RALYL: variants seen among roughly 807,000 people sequenced by gnomAD.
The protein encoded by RALYL is RALY RNA binding protein like, also known as RNA-binding Raly-like protein.
In RALYL, 29 loss-of-function variants were observed where a neutral mutation model predicts 35.1. The ratio of observed to expected loss-of-function variants is 0.83; its 90% CI spans 0.61 to 1.13. RALYL has a LOEUF of 1.13. Among genes scored for constraint, RALYL ranks in the 50% most tolerant of loss-of-function variants. RALYL has a pLI of 0.00. For synonymous variants in RALYL, 120 were observed against 127.6 expected, an observed-to-expected ratio of 0.94 and a Z score of 0.40; for missense variants, 359 against 360.4, an observed-to-expected ratio of 1.00 and a Z score of 0.03.
At chr8:84,556,110 G>T (rs1318352991) in intron 2 of RALYL, among the ~76,000 whole-genome samples, 1 of 152,086 alleles carries the variant, frequency 6.6e-6, no homozygotes, top group Non-Finnish European at 1.5e-5. Flanking sequence ...AACAAAATAA[G>T]GTCACTTAAT....
chr8:84,567,346 T>C (rs1435531764), intron 2 of RALYL, among the ~76,000 whole-genome samples: 1 of 151,768 alleles, frequency 6.6e-6, no homozygotes, highest in Non-Finnish European at 1.5e-5. Flanking sequence ...TAGGTAATTT[T>C]TCAAACTCAC....
At chr8:84,310,581 A>G (rs1054452799) in intron 1 of RALYL, among the ~76,000 whole-genome samples, 1 of 152,142 alleles carries the variant, frequency 6.6e-6, no homozygotes, top group Non-Finnish European at 1.5e-5. Context: ...AAGGGACAAG[A>G]GCAAAATAAT....
chr8:84,497,443 C>A (rs535408870), intron 1 of RALYL, among the ~76,000 whole-genome samples: 1 of 152,052 alleles, frequency 6.6e-6, no homozygotes. Flanking sequence ...ACAATATACA[C>A]GTGCTTGTGG....
chr8:84,771,622 A>G (rs995557978), intron 2 of RALYL, among the ~76,000 whole-genome samples: 2 of 152,040 alleles, frequency 1.3e-5, no homozygotes, highest in East Asian at 1.9e-4. Context: ...TTTAACTTGC[A>G]TTTCCCACTA....
chr8:84,390,044 T>C (rs1860258129), intron 1 of RALYL, among the ~76,000 whole-genome samples: 1 of 152,204 alleles, frequency 6.6e-6, no homozygotes, highest in African/African-American at 2.4e-5. Context: ...TTGACAGTTT[T>C]TTGCATGAAG....
At chr8:84,189,805 G>C (rs959707979) in intron 1 of RALYL, among the ~76,000 whole-genome samples, 4 of 152,018 alleles carry the variant, frequency 2.6e-5, no homozygotes, top group African/African-American at 9.6e-5. Flanking sequence ...TCTGTAGTTT[G>C]GCAAGTTTTC....
chr8:84,687,491 T>C (rs1234816757), intron 2 of RALYL, among the ~76,000 whole-genome samples: 2 of 152,234 alleles, frequency 1.3e-5, no homozygotes, highest in Admixed American at 1.3e-4. Context: ...ACATGGATGA[T>C]CAAATTTATT....
At chr8:84,338,017 A>G (rs1302734060) in intron 1 of RALYL, among the ~76,000 whole-genome samples, 1 of 152,062 alleles carries the variant, frequency 6.6e-6, no homozygotes, top group Non-Finnish European at 1.5e-5. Context: ...CTAAGACTGT[A>G]CATTGGCTGG....
intron 5 of RALYL, among the ~76,000 whole-genome samples, chr8:84,857,292 T>C (rs1490447846): frequency 6.6e-6 from 1 of 152,176 alleles, no homozygotes; most frequent in African/African-American, 2.4e-5. Flanking sequence ...GTTTTGCCTC[T>C]GGGTAGCCCA....
At chr8:84,303,859 C>T (rs777166125) in intron 1 of RALYL, among the ~76,000 whole-genome samples, 7 of 152,156 alleles carry the variant, frequency 4.6e-5, no homozygotes, top group African/African-American at 7.2e-5. Flanking sequence ...CACATTTCTA[C>T]GACCTATATA....
intron 2 of RALYL, among the ~76,000 whole-genome samples, chr8:84,648,646 T>C (rs913511622): frequency 6.6e-6 from 1 of 151,938 alleles, no homozygotes; most frequent in African/African-American, 2.4e-5. Flanking sequence ...ATTAAAATAT[T>C]TAAATGTATA....
At chr8:84,804,941 T>C (rs1196882989) in intron 4 of RALYL, 139 bp downstream of exon 4, 1 of 383,166 alleles carries the variant, frequency 2.6e-6, no homozygotes, top group African/African-American at 2.1e-5. Context: ...TATCTATGTT[T>C]TATAAAGACT....
intron 2 of RALYL, among the ~76,000 whole-genome samples, chr8:84,651,412 T>C (rs1368927788): frequency 6.6e-6 from 1 of 151,810 alleles, no homozygotes; most frequent in East Asian, 1.9e-4. Context: ...GCAGTGAAGA[T>C]AAAATACTTA....
intron 1 of RALYL, among the ~76,000 whole-genome samples, chr8:84,466,187 G>A (rs772130029): frequency 0.034 from 4,592 of 134,532 alleles, 179 homozygotes; most frequent in African/African-American, 0.1. Flanking sequence ...ATGTTGAATA[G>A]GAGTGGTGAG....
At chr8:84,394,979 A>G (rs1193953317) in intron 1 of RALYL, among the ~76,000 whole-genome samples, 1 of 151,876 alleles carries the variant, frequency 6.6e-6, no homozygotes, top group Non-Finnish European at 1.5e-5. Context: ...TTTTTATTGG[A>G]AAGGTCAACA....
At chr8:84,463,274 G>A (rs745580955) in intron 1 of RALYL, among the ~76,000 whole-genome samples, 2 of 151,966 alleles carry the variant, frequency 1.3e-5, no homozygotes, top group Non-Finnish European at 2.9e-5. Flanking sequence ...AGTGTAAAAT[G>A]GGTCTATTAC....
intron 1 of RALYL, among the ~76,000 whole-genome samples, chr8:84,223,049 A>C (rs1366831124): frequency 6.6e-6 from 1 of 151,610 alleles, no homozygotes; most frequent in South Asian, 2.1e-4. Flanking sequence ...GAGTCTTCTT[A>C]TCTTGCTTCC....
intron 2 of RALYL, among the ~76,000 whole-genome samples, chr8:84,695,976 T>G (rs1466243590): frequency 6.6e-6 from 1 of 151,764 alleles, no homozygotes; most frequent in Non-Finnish European, 1.5e-5. Flanking sequence ...CAAGGGCCAT[T>G]TTTTTCAATA....
At chr8:84,196,064 C>T (rs183911764) in intron 1 of RALYL, among the ~76,000 whole-genome samples, 1 of 152,186 alleles carries the variant, frequency 6.6e-6, no homozygotes, top group East Asian at 1.9e-4. Flanking sequence ...TAGAAAATAT[C>T]TATGCTTTTA....
Sources: gnomAD v4.1 joint callset for allele counts (sites outside exome capture counted in the v4.1 genomes callset) on GRCh38, gnomAD v4.1.1 for gene constraint, MANE v1.5 for transcripts, NCBI Gene and HGNC (gene_info 2026-07-23, HGNC 2026-07-21) for gene names.